EBF1: variants seen among roughly 807,000 people sequenced by gnomAD.
EBF1 encodes the protein EBF transcription factor 1, also known as transcription factor COE1.
Under a neutral mutation model 68.4 loss-of-function variants are expected in EBF1, and 10 were observed. The observed-to-expected ratio is 0.15, with a 90% CI of 0.09 to 0.25. EBF1 has a LOEUF of 0.25. Ranked by LOEUF, EBF1 falls within the 10% of genes least tolerant of loss-of-function variation. The pLI is 1.00. For missense variants in EBF1, 509 were observed against 794.4 expected, an observed-to-expected ratio of 0.64 and a Z score of 4.32; for synonymous variants, 298 against 299.8, an observed-to-expected ratio of 0.99 and a Z score of 0.06.
intron 7 of EBF1, among the ~76,000 whole-genome samples, chr5:158,833,094 T>C (rs1395371393): frequency 2.6e-5 from 4 of 152,024 alleles, no homozygotes; most frequent in African/African-American, 9.7e-5. Context: ...CTCAGAACGC[T>C]TTCCTGGTCA....
intron 6 of EBF1, among the ~76,000 whole-genome samples, chr5:158,861,258 G>A (rs1488155126): frequency 2.0e-5 from 3 of 152,192 alleles, no homozygotes; most frequent in African/African-American, 7.2e-5. Flanking sequence ...TCTATCAAAT[G>A]CGGATTTGTG....
intron 6 of EBF1, among the ~76,000 whole-genome samples, chr5:158,863,928 G>A (rs1795404184): frequency 6.6e-6 from 1 of 151,992 alleles, no homozygotes; most frequent in Admixed American, 6.6e-5. Context: ...TTACTGAGGG[G>A]GTAAATAGAA....
chr5:158,945,679 T>C (rs1814505734), intron 6 of EBF1, among the ~76,000 whole-genome samples: 1 of 152,216 alleles, frequency 6.6e-6, no homozygotes, highest in African/African-American at 2.4e-5. Flanking sequence ...GGAGTATCTT[T>C]GTGGTGTTCT....
intron 8 of EBF1, among the ~76,000 whole-genome samples, chr5:158,798,240 GAGA>G (rs746437726): frequency 1.2e-4 from 19 of 152,112 alleles, no homozygotes; most frequent in Admixed American, 8.5e-4. Context: ...TAGTACTTCT[GAGA>G]AGAACAGGTT....
intron 10 of EBF1, among the ~76,000 whole-genome samples, chr5:158,734,314 G>A (rs151257440): frequency 1.3e-3 from 192 of 152,196 alleles, no homozygotes; most frequent in African/African-American, 4.2e-3. Flanking sequence ...GCAAGAGATT[G>A]TTGCTGAGAT....
intron 10 of EBF1, among the ~76,000 whole-genome samples, chr5:158,743,434 T>G (rs886239417): frequency 1.3e-5 from 2 of 152,212 alleles, no homozygotes; most frequent in Non-Finnish European, 1.5e-5. Context: ...TTGGCCTTGG[T>G]GCCTTGCTAA....
At chr5:158,974,527 T>C (rs537167061) in intron 6 of EBF1, among the ~76,000 whole-genome samples, 1 of 152,354 alleles carries the variant, frequency 6.6e-6, no homozygotes, top group South Asian at 2.1e-4. Context: ...AGATGGAGTT[T>C]TCTTTTTGTA....
Position 159,067,586 on chromosome 5 carries a change from A to G in EBF1, c.554+5810T>C, listed in dbSNP as rs529396057. Among the ~76,000 whole-genome samples, 6 of 152,348 alleles carry G rather than the reference A, an allele frequency of 3.9e-5. No homozygotes were observed. In the South Asian group the frequency reaches 1.2e-3, roughly 32 times the overall value. On this transcript the variant is annotated intron_variant, in intron 6 of 15. Transcript: ENST00000313708. The stretch of plus-strand genomic sequence containing the variant: ...TGTATTTGGGAATAGCTGATAGCAA[A>G]TGGAATATAGACTGCGATTAGCTTA...
At chr5:159,099,273 C>A in intron 1 of EBF1, 72 bp downstream of exon 1, 2 of 1,258,036 alleles carry the variant, frequency 1.6e-6, no homozygotes, top group South Asian at 2.5e-5. Flanking sequence ...GCTGCCGCTG[C>A]CGCTGCCGCC....
chr5:158,980,384 C>A (rs1226088817), intron 6 of EBF1, among the ~76,000 whole-genome samples: 4 of 152,232 alleles, frequency 2.6e-5, no homozygotes, highest in Non-Finnish European at 5.9e-5. Context: ...CTGCCACTTT[C>A]CTCCCTGCAC....
chr5:158,931,930 C>T (rs1810969131), intron 6 of EBF1, among the ~76,000 whole-genome samples: 1 of 151,688 alleles, frequency 6.6e-6, no homozygotes, highest in African/African-American at 2.4e-5. Flanking sequence ...TTCTGCTTCT[C>T]TTCACAGTTT....
intron 10 of EBF1, among the ~76,000 whole-genome samples, chr5:158,735,586 A>G (rs1454375281): frequency 1.3e-5 from 2 of 152,146 alleles, no homozygotes; most frequent in African/African-American, 4.8e-5. Flanking sequence ...GGATCCCCTC[A>G]CCCACAGCTA....
At chr5:159,009,601 G>C (rs777215945) in intron 6 of EBF1, among the ~76,000 whole-genome samples, 2 of 151,850 alleles carry the variant, frequency 1.3e-5, no homozygotes, top group Non-Finnish European at 2.9e-5. Flanking sequence ...AACTATTTTA[G>C]ACATCACACA....
chr5:159,078,800 C>T, intron 5 of EBF1, among the ~76,000 whole-genome samples: 1 of 152,300 alleles, frequency 6.6e-6, no homozygotes, highest in Admixed American at 6.5e-5. Context: ...GTCTCCCAAA[C>T]AATTCTGCAC....
intron 15 of EBF1, among the ~76,000 whole-genome samples, chr5:158,700,926 C>A (rs529670464): frequency 2.9e-4 from 44 of 152,270 alleles, no homozygotes; most frequent in African/African-American, 9.6e-4. Flanking sequence ...GAAATGCAGT[C>A]CCCCTAAGAT....
intron 6 of EBF1, among the ~76,000 whole-genome samples, chr5:158,963,643 C>G (rs1753509399): frequency 6.6e-6 from 1 of 152,166 alleles, no homozygotes; most frequent in Admixed American, 6.5e-5. Flanking sequence ...GTCACCTGAT[C>G]CCCTTTGTAA....
intron 6 of EBF1, among the ~76,000 whole-genome samples, chr5:159,033,006 G>T (rs750936510): frequency 2.4e-5 from 3 of 127,562 alleles, no homozygotes; most frequent in Middle Eastern, 3.7e-3. Context: ...TCCCACATCC[G>T]CCCCCACCCC....
At chr5:158,907,501 A>G (rs1804911316) in intron 6 of EBF1, among the ~76,000 whole-genome samples, 1 of 152,208 alleles carries the variant, frequency 6.6e-6, no homozygotes, top group African/African-American at 2.4e-5. Context: ...ACATTAACTC[A>G]TCACTGAGAT....
intron 4 of EBF1, among the ~76,000 whole-genome samples, chr5:159,090,126 T>A (rs1781368409): frequency 6.6e-6 from 1 of 151,968 alleles, no homozygotes; most frequent in South Asian, 2.1e-4. Flanking sequence ...TCAACAAGCC[T>A]TTGGCAGCAA....
Sources: gnomAD v4.1 joint callset for allele counts (sites outside exome capture counted in the v4.1 genomes callset) on GRCh38, gnomAD v4.1.1 for gene constraint, MANE v1.5 for transcripts, NCBI Gene and HGNC (gene_info 2026-07-23, HGNC 2026-07-21) for gene names.